FAT3: variants seen among roughly 807,000 people sequenced by gnomAD.
FAT3 encodes the protein FAT atypical cadherin 3, also known as protocadherin Fat 3.
In FAT3, 95 loss-of-function variants were observed where a neutral mutation model predicts 310.2. The observed-to-expected ratio is 0.31, with a 90% CI of 0.26 to 0.36. FAT3 has a LOEUF of 0.36. FAT3 is among the 10% of genes least tolerant of loss of function. The pLI, the probability that FAT3 is intolerant of heterozygous loss-of-function variation, is 1.00. For synonymous variants in FAT3, 2,314 were observed against 2,192.9 expected (o/e 1.06, Z -1.54); for missense variants, 5,408 against 5,715.6 (o/e 0.95, Z 1.74).
rs1286335100 is a variant in FAT3, at chr11:92,806,492, A to G, written c.9224A>G (p.Glu3075Gly). ...TCACTCTATGGATCTGGAAACAGTG[A>G]ATTTTTTCTAGATCCAGAAAGTGGT... ...RYSLYGSGNSEFFLDPESGEL... is the reference protein window; with the variant it reads ...RYSLYGSGNSGFFLDPESGEL... Residue 3075 changes from glutamate to glycine, a missense_variant, in exon 12 of 28, where the codon GAA becomes GGA. By Grantham distance (98) the Glu-to-Gly change is moderately conservative. Around this residue, in one of 5 missense-constraint regions of FAT3, gnomAD observed 4,588 missense variants for 4,809.8 expected, o/e 0.95. Transcript: ENST00000525166. 2 of 1,548,774 alleles carry G rather than the reference A, an allele frequency of 1.3e-6. No individual in the cohort carries two copies. Among genetic ancestry groups the G allele is most frequent in the African/African-American group, 2.7e-5 (2 of 73,794 alleles).
chr11:92,695,301 T>G (rs887572289), intron 3 of FAT3, among the ~76,000 whole-genome samples: 4 of 152,080 alleles, frequency 2.6e-5, no homozygotes, highest in African/African-American at 9.7e-5. Context: ...ATACAGTAAA[T>G]GAGGGATGGA....
intron 19 of FAT3, among the ~76,000 whole-genome samples, chr11:92,851,709 A>G (rs10501798): frequency 0.2 from 30,868 of 152,072 alleles, 4,146 homozygotes; most frequent in South Asian, 0.38. Flanking sequence ...TACCAAATTG[A>G]TGGATGTCGA....
At chr11:92,324,993 C>T (rs1026656147) in intron 1 of FAT3, among the ~76,000 whole-genome samples, 5 of 152,178 alleles carry the variant, frequency 3.3e-5, no homozygotes, top group African/African-American at 1.2e-4. Flanking sequence ...GAACCAGGAC[C>T]TTTAATCTGA....
intron 3 of FAT3, among the ~76,000 whole-genome samples, chr11:92,619,846 A>G (rs905895964): frequency 1.3e-5 from 2 of 151,388 alleles, no homozygotes; most frequent in African/African-American, 4.9e-5. Flanking sequence ...TATTTCATTG[A>G]TTTCCACCAC....
chr11:92,519,123 A>T (rs1455263537), intron 2 of FAT3, among the ~76,000 whole-genome samples: 2 of 152,270 alleles, frequency 1.3e-5, no homozygotes, highest in East Asian at 3.9e-4. Context: ...AAGTTGGAAG[A>T]CTTACACTTC....
intron 1 of FAT3, 142 bp from the exon 2 acceptor site, chr11:92,351,954 A>T (rs1191667981): frequency 5.1e-6 from 2 of 391,098 alleles, no homozygotes; most frequent in East Asian, 2.0e-4. Context: ...AAGGTTTCTA[A>T]TTTTTTCTTA....
intron 1 of FAT3, among the ~76,000 whole-genome samples, chr11:92,243,514 A>T (rs1864755116): frequency 6.6e-6 from 1 of 152,060 alleles, no homozygotes; most frequent in Non-Finnish European, 1.5e-5. Flanking sequence ...TTTTTCCTAA[A>T]TAGAAAACTT....
chr11:92,228,202 T>G (rs1259442443), intron 1 of FAT3, among the ~76,000 whole-genome samples: 1 of 152,214 alleles, frequency 6.6e-6, no homozygotes, highest in Non-Finnish European at 1.5e-5. Flanking sequence ...CCATCTCTTG[T>G]GGCTGCAGGA....
rs568147574 is a variant in FAT3, at chr11:92,636,458, C to A, written c.3608-60926C>A. On this transcript the variant is annotated intron_variant, in intron 3 of 27. Transcript: ENST00000525166. ...GAAATTACATTCCTTTCAGTTACAT[C>A]TTCTTAAAGGACTTACTGGGTCAGG... 3.9e-5 allele frequency among the ~76,000 whole-genome samples: 6 copies of A among 152,150 alleles called. No homozygotes were observed. The South Asian group carries it at 1.0e-3, about 26-fold the overall frequency.
intron 2 of FAT3, among the ~76,000 whole-genome samples, chr11:92,457,949 A>T (rs149005499): frequency 9.2e-4 from 140 of 152,186 alleles, no homozygotes; most frequent in Middle Eastern, 3.4e-3. Flanking sequence ...AATAAATAAA[A>T]ATAAACTGAA....
intron 2 of FAT3, among the ~76,000 whole-genome samples, chr11:92,462,790 T>C (rs1368597661): frequency 6.6e-6 from 1 of 152,232 alleles, no homozygotes; most frequent in Admixed American, 6.5e-5. Flanking sequence ...GTTTTAGGAA[T>C]TGAAATTCCT....
chr11:92,234,118 A>G (rs1035849505), intron 1 of FAT3, among the ~76,000 whole-genome samples: 1 of 152,206 alleles, frequency 6.6e-6, no homozygotes, highest in Non-Finnish European at 1.5e-5. Context: ...GACATTTTTC[A>G]AAACAAATCA....
chr11:92,269,018 A>G (rs180941905), intron 1 of FAT3, among the ~76,000 whole-genome samples: 173 of 152,310 alleles, frequency 1.1e-3, no homozygotes, highest in African/African-American at 4.0e-3. Flanking sequence ...CTGGAATGGA[A>G]TGCAGAATCA....
chr11:92,739,735 T>C lies in FAT3; in HGVS notation c.3670-22121T>C, dbSNP rs191101564. ...CCTTCCGTGAGTGTGCACTGTGGTG[T>C]TAAACTCTCTACATGCTTGGCAATC... is the stretch of plus-strand genomic sequence containing the variant. On this transcript the variant is annotated intron_variant, in intron 4 of 27. Coordinates refer to ENST00000525166, the MANE Select transcript of FAT3 (RefSeq NM_001367949.2). 3.9e-5 allele frequency among the ~76,000 whole-genome samples: 6 copies of C among 152,304 alleles called. 1 individual carries two copies. Among genetic ancestry groups the C allele is most frequent in the Admixed American group, 3.9e-4 (6 of 15,296 alleles).
intron 22 of FAT3, among the ~76,000 whole-genome samples, chr11:92,876,647 C>T (rs555899358): frequency 2.0e-5 from 3 of 152,338 alleles, no homozygotes; most frequent in African/African-American, 4.8e-5. Context: ...GCTGCATAGT[C>T]TCCTCCACTT....
chr11:92,399,280 G>C (rs1288498064), intron 2 of FAT3, among the ~76,000 whole-genome samples: 1 of 152,076 alleles, frequency 6.6e-6, no homozygotes, highest in Non-Finnish European at 1.5e-5. Flanking sequence ...ATCATCTACT[G>C]ACCATTTCCT....
chr11:92,316,529 C>T (rs1947466164), intron 1 of FAT3, among the ~76,000 whole-genome samples: 1 of 152,158 alleles, frequency 6.6e-6, no homozygotes, highest in Non-Finnish European at 1.5e-5. Flanking sequence ...GATGGATTAC[C>T]TCTTGAGTAC....
intron 3 of FAT3, among the ~76,000 whole-genome samples, chr11:92,550,558 C>T (rs1954775390): frequency 6.6e-6 from 1 of 152,088 alleles, no homozygotes. Context: ...AAATCCTCCT[C>T]CCTGCTGACC....
intron 23 of FAT3, among the ~76,000 whole-genome samples, 153 bp from the exon 24 acceptor site, chr11:92,882,585 T>TTCCCCCCCC (rs757060368): frequency 1.1e-5 from 1 of 93,174 alleles, no homozygotes; most frequent in Admixed American, 1.1e-4. Flanking sequence ...TAACTCCCCC[T>TTCCCCCCCC]CCCCCCCCCC....
Sources: allele counts gnomAD v4.1 joint callset (sites outside exome capture counted in the v4.1 genomes callset), GRCh38; gene constraint gnomAD v4.1.1; regional missense constraint gnomAD v4.1.1; transcripts MANE v1.5; gene names NCBI Gene and HGNC (gene_info 2026-07-23, HGNC 2026-07-21).